Variants in SLC16A1 observed in about 807,000 individuals in gnomAD.
SLC16A1 encodes the protein monocarboxylate transporter 1.
SLC16A1 carries 11 observed loss-of-function variants against 32.2 expected under a neutral mutation model. The observed-to-expected ratio is 0.34, with a 90% CI of 0.21 to 0.56. The LOEUF (loss-of-function observed/expected upper bound fraction) is 0.56. Ranked by LOEUF, SLC16A1 falls within the 20% of genes least tolerant of loss-of-function variation. The probability of loss-of-function intolerance (pLI) is 0.87; values close to 1 mark genes in which losing one functional copy is unlikely to be tolerated. For missense variants in SLC16A1, 435 were observed against 615.0 expected, an observed-to-expected ratio of 0.71 and a Z score of 3.10; for synonymous variants, 231 against 226.8, an observed-to-expected ratio of 1.02 and a Z score of -0.17.
At chr1:112,942,718 T>C (rs1265654200) in intron 1 of SLC16A1, among the ~76,000 whole-genome samples, 1 of 152,250 alleles carries the variant, frequency 6.6e-6, no homozygotes, top group Non-Finnish European at 1.5e-5. Context: ...TTCATTTGTA[T>C]TTACTGGGCA....
intron 4 of SLC16A1, 47 bp from the exon 5 acceptor site, chr1:112,914,212 T>G (rs1045684820): frequency 2.5e-6 from 4 of 1,593,846 alleles, no homozygotes; most frequent in East Asian, 2.2e-5. Context: ...GAGTAAACAG[T>G]TTTTTTTTCC....
chr1:112,919,681 G>A (rs1648648591), intron 3 of SLC16A1, among the ~76,000 whole-genome samples: 2 of 152,178 alleles, frequency 1.3e-5, no homozygotes, highest in Admixed American at 1.3e-4. Flanking sequence ...TCAATAAATA[G>A]TGCTAGCAAA....
intron 1 of SLC16A1, among the ~76,000 whole-genome samples, chr1:112,938,468 A>T (rs1649386515): frequency 6.6e-6 from 1 of 152,198 alleles, no homozygotes; most frequent in African/African-American, 2.4e-5. Flanking sequence ...AATCAAGCAG[A>T]AAGCGCTAGT....
rs749238084 is a variant in SLC16A1, at chr1:112,917,697, GTCT to G, written c.706_708del (p.Arg236del). On this transcript the variant is annotated inframe_deletion, in exon 4 of 5. Transcript: ENST00000369626. The surrounding 1 kb of genome is among the most constrained non-coding windows in gnomAD (Gnocchi z 4.1). Reference sequence around the variant, plus strand: ...ACTGATCGTTTCTCTTGTTTAGGGTGTCTTCCAATAAGATCTGTATTTGCATCA... The same window carrying G: ...ACTGATCGTTTCTCTTGTTTAGGGTGTCCAATAAGATCTGTATTTGCATCA... 2.0e-5 allele frequency: 32 copies of G among 1,614,234 alleles called. No homozygotes were observed. The East Asian group carries it at 6.9e-4, about 35-fold the overall frequency.
chr1:112,940,064 T>TTTTTTTTTTTTTTTTTTTTTTTTTC (rs1649455220), intron 1 of SLC16A1, among the ~76,000 whole-genome samples: 1 of 127,790 alleles, frequency 7.8e-6, no homozygotes, highest in South Asian at 2.3e-4. Flanking sequence ...TTTTTTTTTT[T>TTTTTTTTTTTTTTTTTTTTTTTTTC]AAAGACAGTG....
In SLC16A1 at chr1:112,913,983, C is replaced by A. The variant is rs907064827; in HGVS notation, c.1411G>T (p.Ala471Ser). 6.2e-7 allele frequency: 1 copy of A among 1,614,054 alleles called. No homozygotes were observed. The highest frequency in any genetic ancestry group is 1.7e-5 in the Admixed American group (1 of 59,996). Residue 471 changes from alanine to serine, a missense_variant, in exon 5 of 5, where the codon GCT becomes TCT. By Grantham distance (99) the Ala-to-Ser change is moderately conservative. Around this residue, in one of 2 missense-constraint regions of SLC16A1, gnomAD observed 111 missense variants for 114.7 expected, o/e 0.97. Coordinates refer to ENST00000369626, the MANE Select transcript of SLC16A1 (RefSeq NM_003051.4). ...SKEEETSIDVAGKPNEVTKAA... is the reference protein window; with the variant it reads ...SKEEETSIDVSGKPNEVTKAA... ...TTGGTAACTTCATTTGGCTTCCCAG[C>A]AACATCTATACTGGTCTCTTCCTCT... is the stretch of plus-strand genomic sequence containing the variant.
rs1300043675 is a variant in SLC16A1, at chr1:112,929,266, C to A, written c.43G>T (p.Asp15Tyr). ...VGGPVGYTPP[D>Y]GGWGWAVVIG... ...ACCACTGCCCAGCCCCAGCCTCCAT[C>A]TGGGGGGGTGTATCCAACTGGACCT... is the stretch of plus-strand genomic sequence containing the variant. Residue 15 changes from aspartate to tyrosine, a missense_variant, in exon 2 of 5, where the codon GAT becomes TAT. By Grantham distance (160) the Asp-to-Tyr change is radical. Coordinates refer to ENST00000369626, the MANE Select transcript of SLC16A1 (RefSeq NM_003051.4). 6.2e-7 allele frequency: 1 copy of A among 1,614,024 alleles called. No homozygotes were observed. The highest frequency in any genetic ancestry group is 1.3e-5 in the African/African-American group (1 of 74,916).
intron 1 of SLC16A1, among the ~76,000 whole-genome samples, chr1:112,949,078 G>A (rs1196627900): frequency 1.3e-5 from 2 of 151,840 alleles, no homozygotes; most frequent in East Asian, 1.9e-4. Context: ...GGATGGTCTC[G>A]ATCTCCTGAC....
intron 2 of SLC16A1, chr1:112,923,942 C>T (rs1225751180): frequency 5.9e-6 from 9 of 1,518,546 alleles, no homozygotes; most frequent in Non-Finnish European, 8.2e-6. Context: ...ATGCCTTCAA[C>T]CCTCTGGCTG....
At chr1:112,950,065 CT>C (rs1196955421) in intron 1 of SLC16A1, among the ~76,000 whole-genome samples, 1 of 152,188 alleles carries the variant, frequency 6.6e-6, no homozygotes, top group African/African-American at 2.4e-5. Context: ...GTCACAGGTA[CT>C]GCTAATACAA....
rs555792655 is a variant in SLC16A1, at chr1:112,919,924, ATT to A, written c.362-1882_362-1881del. 7.2e-4 allele frequency among the ~76,000 whole-genome samples: 110 copies of A among 152,138 alleles called. No individual in the cohort carries two copies. In the South Asian group the frequency reaches 0.011, roughly 16 times the overall value. On this transcript the variant is annotated intron_variant, in intron 3 of 4. Coordinates refer to ENST00000369626, the MANE Select transcript of SLC16A1 (RefSeq NM_003051.4). ...TATATAGCATTTATCACTACCTGAT[ATT>A]TTTCTTATTTATTAATTTATTTATG... is the stretch of plus-strand genomic sequence containing the variant.
At position 112,952,258 on chromosome 1, in the gene SLC16A1, C is replaced by T. The variant is rs189199805; in HGVS notation, c.-45+3777G>A. Among the ~76,000 whole-genome samples, 13 of 152,282 alleles carry T rather than the reference C, an allele frequency of 8.5e-5. No individual in the cohort carries two copies. The East Asian group carries it at 2.5e-3, about 29-fold the overall frequency. On this transcript the variant is annotated intron_variant, in intron 1 of 4. Coordinates refer to ENST00000369626, the MANE Select transcript of SLC16A1 (RefSeq NM_003051.4). ...AGGAAAAATGGCCTGGTTCCTTCAA[C>T]AAATATTAGGTTGGTGCAAACATAA...
chr1:112,952,339 A>C (rs1447096035), intron 1 of SLC16A1, among the ~76,000 whole-genome samples: 1 of 152,218 alleles, frequency 6.6e-6, no homozygotes, highest in African/African-American at 2.4e-5. Context: ...TGACATTTGC[A>C]CCAACCTTAC....
chr1:112,955,559 AG>A (rs1324334532), intron 1 of SLC16A1: 1 of 152,356 alleles, frequency 6.6e-6, no homozygotes, highest in African/African-American at 2.4e-5. Context: ...CGGCGGGCCA[AG>A]AAGGTTGGGG....
intron 3 of SLC16A1, among the ~76,000 whole-genome samples, chr1:112,919,612 T>C (rs1415190719): frequency 1.3e-5 from 2 of 152,188 alleles, no homozygotes; most frequent in Non-Finnish European, 2.9e-5. Flanking sequence ...AGAGTTGAAA[T>C]ACATGGAAAC....
intron 1 of SLC16A1, among the ~76,000 whole-genome samples, chr1:112,941,237 C>A (rs1649497703): frequency 2.0e-5 from 3 of 148,968 alleles, no homozygotes; most frequent in Admixed American, 6.7e-5. Flanking sequence ...AAAAAGAGTT[C>A]TTTGGCTTAT....
At chr1:112,942,222 TCA>T in intron 1 of SLC16A1, among the ~76,000 whole-genome samples, 1 of 152,314 alleles carries the variant, frequency 6.6e-6, no homozygotes, top group East Asian at 1.9e-4. Context: ...TCAGCCTACC[TCA>T]GCCTCCCAAA....
Position 112,912,047 on chromosome 1 carries a change from A to C in SLC16A1, c.*1844T>G, listed in dbSNP as rs1361243808. The C allele has an allele frequency of 6.6e-6, 1 of 152,048 alleles. No individual in the cohort carries two copies. The highest frequency in any genetic ancestry group is 1.5e-5 in the Non-Finnish European group (1 of 68,022). 9.4% of individuals were successfully genotyped at this position (152,048 alleles called of 1,614,324 possible). A position where few individuals can be genotyped will look rare whatever the true frequency, so the allele number is the denominator to read the frequency against. The stretch of plus-strand genomic sequence containing the variant: ...CTCAGCAGCAGTTTTCTCCTCTAAC[A>C]CTCTTCCTCTATCTGCCATGATGCC... On this transcript the variant is annotated 3_prime_UTR_variant, in exon 5 of 5. Transcript: ENST00000369626.
intron 2 of SLC16A1, among the ~76,000 whole-genome samples, chr1:112,926,804 G>A (rs1358164929): frequency 6.6e-6 from 1 of 151,748 alleles, no homozygotes; most frequent in Non-Finnish European, 1.5e-5. Context: ...CCTGAGGCCA[G>A]GGAGGCTGAG....
Sources: allele counts gnomAD v4.1 joint callset (sites outside exome capture counted in the v4.1 genomes callset), GRCh38; gene constraint gnomAD v4.1.1; regional missense constraint gnomAD v4.1.1; non-coding constraint Gnocchi (gnomAD v3.1); transcripts MANE v1.5; gene names NCBI Gene and HGNC (gene_info 2026-07-23, HGNC 2026-07-21).